Variants in PCDHA8 observed in about 807,000 individuals in gnomAD.
PCDHA8 encodes protocadherin alpha-8.
In PCDHA8, 53 loss-of-function variants were observed where a neutral mutation model predicts 61.8. The observed-to-expected ratio is 0.86, with a 90% CI of 0.69 to 1.08. The LOEUF (loss-of-function observed/expected upper bound fraction) is 1.08. Ranked by LOEUF, PCDHA8 falls within the 50% of genes least tolerant of loss-of-function variation. The pLI is 0.00. For missense variants in PCDHA8, 1,293 were observed against 1,245.0 expected (o/e 1.04, Z -0.58); for synonymous variants, 618 against 556.6 (o/e 1.11, Z -1.55).
rs782761361 is a variant in PCDHA8, at chr5:140,927,794, C to T, written c.2395-51155C>T. 1.2e-5 allele frequency: 20 copies of T among 1,614,154 alleles called. No individual in the cohort carries two copies. In the South Asian group the frequency reaches 1.6e-4, roughly 13 times the overall value. Reference sequence around the variant, plus strand: ...GTGCAAGTAGCTGCTTCACTAGGTCCGCCTGAAACGCTCTTGGAGGCATAC... The same window carrying T: ...GTGCAAGTAGCTGCTTCACTAGGTCTGCCTGAAACGCTCTTGGAGGCATAC... On this transcript the variant is annotated intron_variant, in intron 1 of 3. Coordinates refer to ENST00000531613, the MANE Select transcript of PCDHA8 (RefSeq NM_018911.3).
At chr5:140,956,953 C>T (rs1347983778) in intron 1 of PCDHA8, among the ~76,000 whole-genome samples, 1 of 135,202 alleles carries the variant, frequency 7.4e-6, no homozygotes, top group Non-Finnish European at 1.7e-5. Flanking sequence ...CATTAAAACA[C>T]TGTAATTAAT....
Position 140,892,378 on chromosome 5 carries a change from A to G in PCDHA8, c.2394+48663A>G, listed in dbSNP as rs13360703. 4.7e-3 allele frequency among the ~76,000 whole-genome samples: 722 copies of G among 152,344 alleles called. 7 individuals are homozygous for G. Among genetic ancestry groups the G allele is most frequent in the African/African-American group, 0.016 (672 of 41,584 alleles). On this transcript the variant is annotated intron_variant, in intron 1 of 3. Coordinates refer to ENST00000531613, the MANE Select transcript of PCDHA8 (RefSeq NM_018911.3). Reference sequence around the variant, plus strand: ...CAGGCATCTTGGGGCACTAGCAATCATGGGTAATCTTAATCTATTTCAAGC... The same window carrying G: ...CAGGCATCTTGGGGCACTAGCAATCGTGGGTAATCTTAATCTATTTCAAGC...
At chr5:140,871,228 CTCCTGG>C in intron 1 of PCDHA8, 1 of 1,613,938 alleles carries the variant, frequency 6.2e-7, no homozygotes, top group Non-Finnish European at 8.5e-7. Context: ...GGTGTCCAGC[CTCCTGG>C]TACTCACGCT....
intron 1 of PCDHA8, chr5:140,850,598 C>A (rs1358773904): frequency 6.3e-7 from 1 of 1,598,460 alleles, no homozygotes; most frequent in Non-Finnish European, 8.6e-7. Context: ...TGTACCTGAT[C>A]ATCGCCATCT....
intron 3 of PCDHA8, among the ~76,000 whole-genome samples, chr5:141,003,043 C>T (rs2098108698): frequency 6.6e-6 from 1 of 152,198 alleles, no homozygotes; most frequent in Non-Finnish European, 1.5e-5. Flanking sequence ...CCCTCCTGGC[C>T]TTAACAGAAC....
chr5:140,890,238 C>T (rs2062554718), intron 1 of PCDHA8, among the ~76,000 whole-genome samples: 1 of 152,034 alleles, frequency 6.6e-6, no homozygotes, highest in African/African-American at 2.4e-5. Flanking sequence ...TAAGCATTTA[C>T]CAGTACACTA....
intron 1 of PCDHA8, among the ~76,000 whole-genome samples, chr5:140,923,931 A>T (rs1216808903): frequency 2.6e-5 from 4 of 152,118 alleles, no homozygotes; most frequent in Non-Finnish European, 4.4e-5. Flanking sequence ...CTCTGTATGC[A>T]TTTTTCCTTT....
At chr5:140,867,122 T>C (rs2049769007) in intron 1 of PCDHA8, 1 of 152,160 alleles carries the variant, frequency 6.6e-6, no homozygotes. Context: ...TTGTTTTAAT[T>C]CAAATATGTG....
chr5:140,995,180 A>C (rs1014057978), intron 3 of PCDHA8, among the ~76,000 whole-genome samples: 4 of 152,190 alleles, frequency 2.6e-5, no homozygotes, highest in African/African-American at 9.7e-5. Context: ...AGGTGCACCT[A>C]TGATAAAGTT....
chr5:140,928,148 A>G (rs1228039818), intron 1 of PCDHA8: 1 of 1,614,054 alleles, frequency 6.2e-7, no homozygotes, highest in African/African-American at 1.3e-5. Context: ...ACGGCCTCAG[A>G]TAGTGGCTCA....
chr5:140,920,801 G>A (rs1303863265), intron 1 of PCDHA8, among the ~76,000 whole-genome samples: 2 of 148,716 alleles, frequency 1.3e-5, no homozygotes, highest in Non-Finnish European at 3.0e-5. Context: ...CCAAGATCAC[G>A]CCACTGCACT....
intron 1 of PCDHA8, chr5:140,850,243 G>A: frequency 6.3e-7 from 1 of 1,593,880 alleles, no homozygotes; most frequent in Non-Finnish European, 8.6e-7. Flanking sequence ...ATGGTGCTGC[G>A]GTCGGTGGGC....
At chr5:140,963,925 T>C (rs1293339875) in intron 1 of PCDHA8, among the ~76,000 whole-genome samples, 1 of 152,230 alleles carries the variant, frequency 6.6e-6, no homozygotes, top group Non-Finnish European at 1.5e-5. Flanking sequence ...CTAAGTAACA[T>C]GTCCATAGCC....
chr5:140,951,210 G>C (rs541010152), intron 1 of PCDHA8, among the ~76,000 whole-genome samples: 4 of 151,862 alleles, frequency 2.6e-5, no homozygotes, highest in African/African-American at 9.7e-5. Flanking sequence ...TGTCATCTCA[G>C]GTTTGGATTC....
chr5:141,003,856 ATG>A (rs1554259354), intron 3 of PCDHA8, among the ~76,000 whole-genome samples: 1 of 152,144 alleles, frequency 6.6e-6, no homozygotes, highest in Non-Finnish European at 1.5e-5. Flanking sequence ...CCAGATTTAT[ATG>A]TGTCTGAAAT....
chr5:140,880,920 A>G (rs1189539222), intron 1 of PCDHA8, among the ~76,000 whole-genome samples: 1 of 152,228 alleles, frequency 6.6e-6, no homozygotes, highest in Non-Finnish European at 1.5e-5. Flanking sequence ...GAGAAATACT[A>G]TGTTAGTAAA....
chr5:140,845,180 T>C (rs1554140853), intron 1 of PCDHA8, among the ~76,000 whole-genome samples: 1 of 149,340 alleles, frequency 6.7e-6, no homozygotes, highest in Admixed American at 6.7e-5. Context: ...TTTTAGTCCT[T>C]TAAAAAATAT....
intron 1 of PCDHA8, chr5:140,847,643 G>C (rs1219551940): frequency 6.7e-6 from 1 of 149,570 alleles, no homozygotes; most frequent in East Asian, 1.9e-4. Context: ...CTACAAAGAA[G>C]AGATTATTCA....
intron 1 of PCDHA8, among the ~76,000 whole-genome samples, chr5:140,912,874 G>T (rs2076102653): frequency 6.6e-6 from 1 of 152,026 alleles, no homozygotes; most frequent in Non-Finnish European, 1.5e-5. Context: ...TATGGTTTTT[G>T]GTCTTCATTC....
Sources: gnomAD v4.1 joint callset for allele counts (sites outside exome capture counted in the v4.1 genomes callset) on GRCh38, gnomAD v4.1.1 for gene constraint, MANE v1.5 for transcripts, NCBI Gene and HGNC (gene_info 2026-07-23, HGNC 2026-07-21) for gene names.